LARS1: variants seen among roughly 807,000 people sequenced by gnomAD.
LARS1 encodes the protein leucyl-tRNA synthetase 1.
In LARS1, 100 loss-of-function variants were observed where a neutral mutation model predicts 162.8. The observed-to-expected ratio is 0.61, with a 90% CI of 0.52 to 0.73. The LOEUF (loss-of-function observed/expected upper bound fraction) is 0.73. Ranked by LOEUF, LARS1 falls within the 30% of genes least tolerant of loss-of-function variation. The pLI, the probability that LARS1 is intolerant of heterozygous loss-of-function variation, is 0.00. For missense variants in LARS1, 1,258 were observed against 1,408.9 expected (o/e 0.89, Z 1.71); for synonymous variants, 457 against 462.8 (o/e 0.99, Z 0.16).
At chr5:146,176,077 G>A (rs1461029828) in intron 2 of LARS1, among the ~76,000 whole-genome samples, 3 of 152,014 alleles carry the variant, frequency 2.0e-5, no homozygotes, top group African/African-American at 7.3e-5. Context: ...GCTTGAGCTC[G>A]GGAGTTTGAA....
intron 6 of LARS1, among the ~76,000 whole-genome samples, chr5:146,162,199 T>C (rs1463903182): frequency 6.6e-6 from 1 of 152,208 alleles, no homozygotes; most frequent in Non-Finnish European, 1.5e-5. Flanking sequence ...TCTATTTACT[T>C]TGCCCAGATC....
At chr5:146,177,925 C>T (rs1428953872) in intron 1 of LARS1, among the ~76,000 whole-genome samples, 1 of 151,710 alleles carries the variant, frequency 6.6e-6, no homozygotes, top group East Asian at 1.9e-4. Flanking sequence ...CAGGGCGAAA[C>T]CCATCTCTAC....
intron 6 of LARS1, among the ~76,000 whole-genome samples, chr5:146,162,550 C>T (rs1256433060): frequency 6.6e-6 from 1 of 152,124 alleles, no homozygotes; most frequent in East Asian, 1.9e-4. Context: ...GATTTGGCAC[C>T]ATTCTTAAAG....
chr5:146,118,252 A>G (rs1751659064), intron 31 of LARS1, among the ~76,000 whole-genome samples: 1 of 152,226 alleles, frequency 6.6e-6, no homozygotes, highest in South Asian at 2.1e-4. Context: ...TAAGTGAAAT[A>G]AGAAAGGCAC....
intron 5 of LARS1, 22 bp downstream of exon 5, chr5:146,168,106 T>C: frequency 6.3e-7 from 1 of 1,577,338 alleles, no homozygotes; most frequent in Non-Finnish European, 8.7e-7. Context: ...TCAACCAACA[T>C]AAATATCAAC....
At chr5:146,126,572 T>C (rs369282755) in intron 27 of LARS1, 27 bp from the exon 28 acceptor site, 15 of 1,521,288 alleles carry the variant, frequency 9.9e-6, no homozygotes, top group Admixed American at 1.7e-5. Context: ...GGGAGAGTAA[T>C]GTAGAAAAAA....
chr5:146,128,461 A>C (rs980266229), intron 27 of LARS1, among the ~76,000 whole-genome samples: 1 of 152,074 alleles, frequency 6.6e-6, no homozygotes, highest in African/African-American at 2.4e-5. Context: ...TTTTTGTATA[A>C]ATTTTTCAGA....
At chr5:146,133,692 CAAAAAAA>C (rs55993097) in intron 22 of LARS1, among the ~76,000 whole-genome samples, 2 of 112,312 alleles carry the variant, frequency 1.8e-5, no homozygotes, top group African/African-American at 7.0e-5. Context: ...TATAGGGTTG[CAAAAAAA>C]AAAAAAAAAA....
intron 15 of LARS1, among the ~76,000 whole-genome samples, chr5:146,146,212 C>T (rs1246266019): frequency 6.6e-6 from 1 of 151,856 alleles, no homozygotes; most frequent in Non-Finnish European, 1.5e-5. Flanking sequence ...TGGTGGCGCA[C>T]ACCTGTAACG....
intron 8 of LARS1, among the ~76,000 whole-genome samples, chr5:146,158,913 G>A (rs1314165174): frequency 3.3e-5 from 5 of 151,986 alleles, no homozygotes; most frequent in African/African-American, 9.7e-5. Context: ...TGGCTAACAC[G>A]GTGAAACCCC....
intron 6 of LARS1, among the ~76,000 whole-genome samples, chr5:146,161,682 G>A (rs908956676): frequency 6.6e-6 from 1 of 152,010 alleles, no homozygotes; most frequent in Admixed American, 6.6e-5. Context: ...GAACCCGGGA[G>A]GCGGAGGTTG....
intron 2 of LARS1, among the ~76,000 whole-genome samples, chr5:146,174,986 G>A (rs2939535): frequency 0.6 from 91,134 of 151,884 alleles, 27,990 homozygotes; most frequent in Middle Eastern, 0.79. Context: ...TTGGGAGGCC[G>A]GGGTGGGCAG....
chr5:146,120,475 G>T lies in LARS1; in HGVS notation c.3221C>A (p.Pro1074His). The change falls in exon 31 of 32, where the codon CCC (proline) becomes CAC (histidine). Residue 1074 changes from proline (P) to histidine (H), a missense_variant. Coordinates refer to ENST00000394434, the MANE Select transcript of LARS1 (RefSeq NM_020117.11). ...EPGVSVSLVN[P>H]QPSNGHFSTK... The stretch of plus-strand genomic sequence containing the variant: ...TGAGAAGTGGCCATTGGATGGCTGG[G>T]GATTCACCAGAGAAACGGACACACC... 6.2e-7 allele frequency: 1 copy of T among 1,612,444 alleles called. No homozygotes were observed. The highest frequency in any genetic ancestry group is 8.5e-7 in the Non-Finnish European group (1 of 1,179,078).
rs563829020 is a variant in LARS1, at chr5:146,151,618, T to C, written c.1425+244A>G. Among the ~76,000 whole-genome samples, 4 of 152,310 alleles carry C rather than the reference T, an allele frequency of 2.6e-5. No homozygotes were observed. The South Asian group carries it at 6.2e-4, about 24-fold the overall frequency. Reference sequence around the variant, plus strand: ...ATATGAACTAATTTGAAATATCTTGTCAAGAAATTCACTCCATAGAGATTC... The same window carrying C: ...ATATGAACTAATTTGAAATATCTTGCCAAGAAATTCACTCCATAGAGATTC... On this transcript the variant is annotated intron_variant, in intron 14 of 31. Coordinates refer to ENST00000394434, the MANE Select transcript of LARS1 (RefSeq NM_020117.11).
rs1764067504 is a variant in LARS1, at chr5:146,113,528, AGT to A, written c.*576_*577del. The A allele has an allele frequency of 6.6e-6, 1 of 152,400 alleles. No homozygotes were observed. Among genetic ancestry groups the A allele is most frequent in the South Asian group, 2.1e-4 (1 of 4,838 alleles). The allele number at this position is 152,400 out of a possible 1,614,324, so 9.4% of individuals were successfully genotyped here. ...CTTGAAGAAGCCATTATTGGTTCTT[AGT>A]TGAATAATTAAAGCTTTAAAAAGTC... On this transcript the variant is annotated 3_prime_UTR_variant, in exon 32 of 32. Transcript: ENST00000394434.
intron 31 of LARS1, among the ~76,000 whole-genome samples, chr5:146,117,647 C>T (rs2126353971): frequency 6.6e-6 from 1 of 152,266 alleles, no homozygotes. Flanking sequence ...CCAGTGGGTC[C>T]ACACACATAT....
intron 23 of LARS1, chr5:146,132,409 T>C (rs1461869134): frequency 6.6e-6 from 1 of 152,510 alleles, no homozygotes; most frequent in Non-Finnish European, 1.5e-5. Flanking sequence ...TGCTAGACAA[T>C]AAGGATCAGG....
chr5:146,182,365 C>T, intron 1 of LARS1, 123 bp downstream of exon 1: 2 of 1,287,274 alleles, frequency 1.6e-6, no homozygotes, highest in Non-Finnish European at 2.2e-6. Context: ...CTACGAAAGG[C>T]ACGCCTTAAG....
At position 146,143,561 on chromosome 5, in the gene LARS1, A is replaced by G; in HGVS notation, c.1739-11T>C. 6.2e-7 allele frequency: 1 copy of G among 1,612,044 alleles called. No individual in the cohort carries two copies. The highest frequency in any genetic ancestry group is 8.5e-7 in the Non-Finnish European group (1 of 1,178,666). ...AAGGCAGGTGAGTGCCTGAAAAATA[A>G]AAAGTAACGCATGAGGAACCTGAGA... On this transcript the variant is annotated splice_polypyrimidine_tract_variant and intron_variant, in intron 18 of 31. Coordinates refer to ENST00000394434, the MANE Select transcript of LARS1 (RefSeq NM_020117.11).
Sources: gnomAD v4.1 joint callset for allele counts (sites outside exome capture counted in the v4.1 genomes callset) on GRCh38, gnomAD v4.1.1 for gene constraint, MANE v1.5 for transcripts, NCBI Gene and HGNC (gene_info 2026-07-23, HGNC 2026-07-21) for gene names.